The following SYT16 variants were observed in gnomAD, a reference collection of about 807,000 sequenced individuals.
SYT16 encodes the protein synaptotagmin 16.
Under a neutral mutation model 61.4 loss-of-function variants are expected in SYT16, and 42 were observed. That is an observed-to-expected ratio of 0.68 (90% CI 0.53 to 0.89). SYT16 has a LOEUF of 0.89. SYT16 is among the 40% of genes least tolerant of loss of function. The pLI is 0.00. For missense variants in SYT16, 804 were observed against 807.3 expected, an observed-to-expected ratio of 1.00 and a Z score of 0.05; for synonymous variants, 314 against 302.3, an observed-to-expected ratio of 1.04 and a Z score of -0.40.
rs184732628 is a variant in SYT16 at position 62,063,432 on chromosome 14, A to G, written c.524-6171A>G. Among the ~76,000 whole-genome samples, 485 of 152,324 alleles carry G rather than the reference A, an allele frequency of 3.2e-3. 2 individuals carry two copies. The highest frequency in any genetic ancestry group is 5.3e-3 in the Non-Finnish European group (363 of 68,024). On this transcript the variant is annotated intron_variant, in intron 3 of 7. Coordinates refer to ENST00000683842, the MANE Select transcript of SYT16 (RefSeq NM_001367656.1). ...CTAAGGCCTTTACGTGGCTTATCTC[A>G]TTTAGTCTTCTCAACAATTTTAAGA...
chr14:62,021,853 T>G (rs942926331), intron 3 of SYT16, among the ~76,000 whole-genome samples: 1 of 152,216 alleles, frequency 6.6e-6, no homozygotes, highest in African/African-American at 2.4e-5. Flanking sequence ...GTTAAAACTT[T>G]TAGCTGAAAT....
chr14:61,901,765 T>TAATAATAATAATA (rs1566665021), intron 1 of SYT16, among the ~76,000 whole-genome samples: 2 of 141,948 alleles, frequency 1.4e-5, no homozygotes, highest in African/African-American at 5.6e-5. Context: ...TAATAATAAT[T>TAATAATAATAATA]ATTATTATTA....
chr14:61,875,617 G>A (rs187640999), intron 1 of SYT16, among the ~76,000 whole-genome samples: 6 of 152,332 alleles, frequency 3.9e-5, no homozygotes, highest in African/African-American at 1.4e-4. Flanking sequence ...GGGCTGGAGA[G>A]CCAGATTGTA....
intron 2 of SYT16, among the ~76,000 whole-genome samples, chr14:61,977,546 C>A (rs537790379): frequency 4.7e-4 from 72 of 152,262 alleles, no homozygotes; most frequent in Non-Finnish European, 7.5e-4. Flanking sequence ...GATACTCACT[C>A]ACTATCATGA....
At chr14:61,943,294 A>G (rs1254946386) in intron 1 of SYT16, among the ~76,000 whole-genome samples, 2 of 152,202 alleles carry the variant, frequency 1.3e-5, no homozygotes, top group African/African-American at 4.8e-5. Context: ...GCTGAATTCT[A>G]CCAGAGGTAC....
intron 6 of SYT16, 107 bp from the exon 7 acceptor site, chr14:62,084,089 A>G: frequency 7.4e-7 from 1 of 1,347,110 alleles, no homozygotes; most frequent in Non-Finnish European, 1.0e-6. Flanking sequence ...CATCTTTGGC[A>G]GTCATTGGGG....
At chr14:62,049,617 C>G (rs947601619) in intron 3 of SYT16, among the ~76,000 whole-genome samples, 33 of 152,128 alleles carry the variant, frequency 2.2e-4, no homozygotes, top group African/African-American at 7.7e-4. Context: ...GCTGGTACCA[C>G]TTGTTCCTTT....
chr14:61,819,262 T>C (rs550051404), intron 1 of SYT16, among the ~76,000 whole-genome samples: 111 of 152,332 alleles, frequency 7.3e-4, no homozygotes, highest in Non-Finnish European at 9.6e-4. Context: ...TAACTATTAT[T>C]TAGCATTATG....
At chr14:61,913,141 G>A (rs2048994729) in intron 1 of SYT16, among the ~76,000 whole-genome samples, 1 of 152,040 alleles carries the variant, frequency 6.6e-6, no homozygotes, top group Non-Finnish European at 1.5e-5. Context: ...TTTTTGTCAC[G>A]ATGTGCAAAT....
At chr14:61,875,415 A>G (rs910461773) in intron 1 of SYT16, among the ~76,000 whole-genome samples, 3 of 152,230 alleles carry the variant, frequency 2.0e-5, no homozygotes, top group Non-Finnish European at 4.4e-5. Flanking sequence ...AAACTCAAGA[A>G]TTAGGAAAGA....
intron 1 of SYT16, among the ~76,000 whole-genome samples, chr14:61,898,504 G>T (rs755898657): frequency 2.0e-5 from 3 of 152,202 alleles, no homozygotes; most frequent in Non-Finnish European, 2.9e-5. Context: ...GGAGTTGTCA[G>T]ATCTCATGGA....
intron 3 of SYT16, among the ~76,000 whole-genome samples, chr14:62,031,153 G>A (rs1271087806): frequency 2.6e-5 from 4 of 152,082 alleles, no homozygotes; most frequent in African/African-American, 9.7e-5. Flanking sequence ...GAAAATATAT[G>A]GCTTGTGTTA....
At chr14:62,074,195 C>T (rs2056400051) in intron 4 of SYT16, among the ~76,000 whole-genome samples, 1 of 152,112 alleles carries the variant, frequency 6.6e-6, no homozygotes, top group Non-Finnish European at 1.5e-5. Context: ...TCTGAGGACA[C>T]TCTTGACATG....
rs1484598649 is a variant in SYT16 at position 62,112,167 on chromosome 14, T to C, written c.*11460T>C. On this transcript the variant is annotated 3_prime_UTR_variant, in exon 8 of 8. Transcript: ENST00000683842. The stretch of plus-strand genomic sequence containing the variant: ...CAATCAGTGAAATATTGAATGTCAA[T>C]ACTTTTTGTTAGAAATGCCCTCTGA... 6.6e-6 allele frequency: 1 copy of C among 152,158 alleles called. No homozygotes were observed. The highest frequency in any genetic ancestry group is 1.5e-5 in the Non-Finnish European group (1 of 67,972). The allele number at this position is 152,158 out of a possible 1,614,324, so 9.4% of individuals were successfully genotyped here. A position where few individuals can be genotyped will look rare whatever the true frequency, so the allele number is the denominator to read the frequency against.
At chr14:62,014,964 AC>A (rs1401667753) in intron 3 of SYT16, among the ~76,000 whole-genome samples, 1 of 151,974 alleles carries the variant, frequency 6.6e-6, no homozygotes, top group Non-Finnish European at 1.5e-5. Flanking sequence ...ATCTCCCCCA[AC>A]CTTGTGCCTT....
chr14:61,815,745 A>G (rs2045408370), intron 1 of SYT16, among the ~76,000 whole-genome samples: 3 of 152,220 alleles, frequency 2.0e-5, no homozygotes. Flanking sequence ...TCTGTTATAT[A>G]AAGTGGTGGT....
chr14:61,873,873 G>A (rs891929718), intron 1 of SYT16, among the ~76,000 whole-genome samples: 2 of 152,170 alleles, frequency 1.3e-5, no homozygotes, highest in Non-Finnish European at 2.9e-5. Flanking sequence ...GTATTAAAAC[G>A]GGATGGTGGG....
At chr14:62,050,323 C>A (rs2055215226) in intron 3 of SYT16, among the ~76,000 whole-genome samples, 1 of 152,196 alleles carries the variant, frequency 6.6e-6, no homozygotes, top group Admixed American at 6.5e-5. Context: ...TCAGCTCCAT[C>A]AGGTCTTTTA....
At chr14:62,065,739 G>T (rs1012981464) in intron 3 of SYT16, among the ~76,000 whole-genome samples, 1 of 152,146 alleles carries the variant, frequency 6.6e-6, no homozygotes, top group Non-Finnish European at 1.5e-5. Flanking sequence ...TGCTTAGCTG[G>T]TCCTGTACTC....
Sources: gnomAD v4.1 joint callset for allele counts (sites outside exome capture counted in the v4.1 genomes callset) on GRCh38, gnomAD v4.1.1 for gene constraint, MANE v1.5 for transcripts, NCBI Gene and HGNC (gene_info 2026-07-23, HGNC 2026-07-21) for gene names.